The following ZFHX3 variants were observed in gnomAD, a reference collection of about 807,000 sequenced individuals.
ZFHX3 encodes zinc finger homeobox 3, also known as zinc finger homeobox protein 3.
ZFHX3 carries 42 observed loss-of-function variants against 279.1 expected under a neutral mutation model. The ratio of observed to expected loss-of-function variants is 0.15; its 90% CI spans 0.12 to 0.19. The LOEUF is 0.19. Ranked by LOEUF, ZFHX3 falls within the 10% of genes least tolerant of loss-of-function variation. The pLI is 1.00. For synonymous variants in ZFHX3, 2,293 were observed against 1,957.8 expected (o/e 1.17, Z -4.52); for missense variants, 4,981 against 4,754.0 (o/e 1.05, Z -1.40).
chr16:72,916,404 G>A (rs1185669036), intron 3 of ZFHX3, among the ~76,000 whole-genome samples: 1 of 152,168 alleles, frequency 6.6e-6, no homozygotes, highest in African/African-American at 2.4e-5. Context: ...AAGTCAACAT[G>A]GAGGAAAATG....
chr16:72,976,869 C>T (rs1473846414), intron 1 of ZFHX3, among the ~76,000 whole-genome samples: 3 of 152,078 alleles, frequency 2.0e-5, no homozygotes, highest in African/African-American at 7.3e-5. Context: ...CCTGAGACCT[C>T]GGTTCAACTC....
At chr16:73,698,757 G>A (rs2053220436) in intron 1 of ZFHX3, among the ~76,000 whole-genome samples, 1 of 152,098 alleles carries the variant, frequency 6.6e-6, no homozygotes, top group South Asian at 2.1e-4. Context: ...CAGATAGAAG[G>A]AGACTAAGGA....
intron 2 of ZFHX3, among the ~76,000 whole-genome samples, chr16:73,605,649 G>C (rs1403437712): frequency 2.0e-5 from 3 of 151,652 alleles, no homozygotes; most frequent in African/African-American, 7.3e-5. Context: ...CATAGGGGGA[G>C]AGTCTGGGGT....
chr16:73,657,380 T>G (rs1180083287), intron 2 of ZFHX3, among the ~76,000 whole-genome samples: 1 of 152,082 alleles, frequency 6.6e-6, no homozygotes, highest in Non-Finnish European at 1.5e-5. Context: ...ATCACCTAAA[T>G]CCGGGAGGCA....
intron 1 of ZFHX3, among the ~76,000 whole-genome samples, chr16:72,984,264 T>G (rs1049730728): frequency 1.3e-5 from 2 of 152,134 alleles, no homozygotes; most frequent in Non-Finnish European, 2.9e-5. Context: ...TTCCTCCTAG[T>G]CTATCTACTG....
At chr16:73,834,886 C>T (rs528231816) in intron 1 of ZFHX3, among the ~76,000 whole-genome samples, 2 of 145,324 alleles carry the variant, frequency 1.4e-5, no homozygotes, top group East Asian at 4.1e-4. Context: ...GAGACTTCGT[C>T]TCAAAAAAAA....
In ZFHX3 at chr16:73,640,103, G is replaced by A. The variant is rs183339995; in HGVS notation, c.-1547+40077C>T. Among the ~76,000 whole-genome samples the A allele has an allele frequency of 6.6e-4, 100 of 152,282 alleles. 1 individual carries two copies. Among genetic ancestry groups the A allele is most frequent in the African/African-American group, 2.1e-3 (87 of 41,570 alleles). On this transcript the variant is annotated intron_variant, in intron 2 of 17. Coordinates refer to the ZFHX3 transcript ENST00000641206. ...GAAGACAGAAGGCTTATTTTAGGAA[G>A]TATTTAAGCAGAAGTGACTCTAGAT...
At chr16:73,181,393 T>C (rs1017331049) in intron 5 of ZFHX3, among the ~76,000 whole-genome samples, 5 of 152,264 alleles carry the variant, frequency 3.3e-5, no homozygotes, top group Middle Eastern at 6.8e-3. Context: ...CCCAGCCAGC[T>C]GCAGCTAGTT....
At chr16:73,288,890 G>A (rs1366753123) in intron 4 of ZFHX3, among the ~76,000 whole-genome samples, 1 of 151,012 alleles carries the variant, frequency 6.6e-6, no homozygotes, top group Non-Finnish European at 1.5e-5. Flanking sequence ...GAGCGGCTCC[G>A]CGACCCCTCT....
chr16:72,877,677 A>T (rs1388847742), intron 4 of ZFHX3, among the ~76,000 whole-genome samples: 1 of 152,076 alleles, frequency 6.6e-6, no homozygotes, highest in Non-Finnish European at 1.5e-5. Context: ...TGGTTTTTAG[A>T]AAAAAAACTT....
At chr16:73,482,922 G>A (rs927906732) in intron 2 of ZFHX3, among the ~76,000 whole-genome samples, 3 of 152,154 alleles carry the variant, frequency 2.0e-5, no homozygotes, top group Non-Finnish European at 2.9e-5. Flanking sequence ...AAAATTAGCA[G>A]CTTGAAGGGA....
chr16:73,313,341 G>A (rs1261528185), intron 4 of ZFHX3, among the ~76,000 whole-genome samples: 3 of 152,058 alleles, frequency 2.0e-5, no homozygotes, highest in East Asian at 1.9e-4. Flanking sequence ...GAGAACAGAC[G>A]AATACAGCCA....
Position 72,959,934 on chromosome 16 carries a change from G to C in ZFHX3, c.212C>G (p.Pro71Arg), listed in dbSNP as rs374747520. The change falls in exon 2 of 10, where the codon CCC becomes CGC. Residue 71 changes from proline (P) to arginine (R), a missense_variant. Physicochemically the swap from Pro to Arg is moderately radical, Grantham distance 103. This residue lies in a region of ZFHX3 where 1,068 missense variants were observed against 935.2 expected (regional missense o/e 1.14). Transcript: ENST00000268489. ...LAESTASAGP[P>R]SEPASKEVTC... ...GACCTCCTTGCTGGCGGGCTCGGAG[G>C]GGGGCCCGGCCGACGCGGTGCTCTC... 29 of 1,600,162 alleles carry C rather than the reference G, an allele frequency of 1.8e-5. No homozygotes were observed. The Admixed American group carries it at 3.3e-4, about 18-fold the overall frequency.
At chr16:73,649,648 G>A (rs1371826360) in intron 2 of ZFHX3, among the ~76,000 whole-genome samples, 1 of 152,170 alleles carries the variant, frequency 6.6e-6, no homozygotes, top group African/African-American at 2.4e-5. Context: ...GTTTGGGTCA[G>A]CAAATCCAGT....
chr16:73,040,662 G>A (rs192948475), intron 1 of ZFHX3, among the ~76,000 whole-genome samples: 1 of 152,362 alleles, frequency 6.6e-6, no homozygotes, highest in East Asian at 1.9e-4. Context: ...ACCCCATGGG[G>A]AAGAAGAGAA....
At chr16:73,496,278 C>T (rs988601595) in intron 2 of ZFHX3, among the ~76,000 whole-genome samples, 2 of 152,228 alleles carry the variant, frequency 1.3e-5, no homozygotes, top group Admixed American at 1.3e-4. Context: ...CGCCTGTAAT[C>T]CCAGTACTTT....
chr16:73,090,936 G>T (rs1351740238), intron 8 of ZFHX3, among the ~76,000 whole-genome samples: 2 of 123,748 alleles, frequency 1.6e-5, no homozygotes, highest in African/African-American at 5.0e-5. Flanking sequence ...AAAAGGCAAG[G>T]CATGGTGGCT....
At chr16:73,353,307 C>A (rs72799413) in intron 3 of ZFHX3, among the ~76,000 whole-genome samples, 2 of 152,106 alleles carry the variant, frequency 1.3e-5, no homozygotes, top group Non-Finnish European at 2.9e-5. Context: ...GTCCCCCTGG[C>A]CAGAGTGGAG....
chr16:73,766,030 T>C (rs778384643), intron 1 of ZFHX3, among the ~76,000 whole-genome samples: 9 of 152,182 alleles, frequency 5.9e-5, no homozygotes, highest in Non-Finnish European at 1.3e-4. Flanking sequence ...TCCTGACCTA[T>C]CTAGTCCCTG....
Sources: gnomAD v4.1 joint callset for allele counts (sites outside exome capture counted in the v4.1 genomes callset) on GRCh38, gnomAD v4.1.1 for gene constraint, gnomAD v4.1.1 regional missense constraint, MANE v1.5 for transcripts, NCBI Gene and HGNC (gene_info 2026-07-23, HGNC 2026-07-21) for gene names.